ROBO1: variants seen among roughly 807,000 people sequenced by gnomAD.
ROBO1 encodes roundabout homolog 1.
In ROBO1, 149 loss-of-function variants were observed where a neutral mutation model predicts 195.9. That is an observed-to-expected ratio of 0.76 (90% CI 0.67 to 0.87). The LOEUF is 0.87. Among genes scored for constraint, ROBO1 ranks in the 40% least tolerant of loss-of-function variants. The pLI, the probability that ROBO1 is intolerant of heterozygous loss-of-function variation, is 0.00. For missense variants in ROBO1, 1,933 were observed against 2,068.3 expected (o/e 0.93, Z 1.27); for synonymous variants, 816 against 733.2 (o/e 1.11, Z -1.82).
At chr3:79,569,020 A>G (rs550759410) in intron 2 of ROBO1, among the ~76,000 whole-genome samples, 2 of 152,206 alleles carry the variant, frequency 1.3e-5, no homozygotes, top group Non-Finnish European at 2.9e-5. Context: ...CAGCTGTTTT[A>G]GAAAAAAAAT....
chr3:78,897,295 C>T (rs1366215502), intron 4 of ROBO1, among the ~76,000 whole-genome samples: 3 of 152,118 alleles, frequency 2.0e-5, no homozygotes, highest in South Asian at 2.1e-4. Context: ...CAGTATTTTT[C>T]GAAGCACCAT....
chr3:79,701,853 A>T (rs1024631657), intron 1 of ROBO1, among the ~76,000 whole-genome samples: 5 of 151,802 alleles, frequency 3.3e-5, no homozygotes, highest in African/African-American at 1.2e-4. Context: ...TGGATATATT[A>T]TATCAAATAT....
At chr3:79,531,153 C>G (rs773570446) in intron 2 of ROBO1, among the ~76,000 whole-genome samples, 4 of 152,078 alleles carry the variant, frequency 2.6e-5, no homozygotes, top group Non-Finnish European at 5.9e-5. Context: ...TGTATCATGC[C>G]TCCATTTGAA....
At chr3:79,484,751 C>CTTTTTTTTTTTT (rs1559932529) in intron 2 of ROBO1, among the ~76,000 whole-genome samples, 1 of 20,654 alleles carries the variant, frequency 4.8e-5, no homozygotes, top group African/African-American at 2.5e-4. Flanking sequence ...TATCATTGCA[C>CTTTTTTTTTTTT]TATCTTTTTT....
intron 1 of ROBO1, among the ~76,000 whole-genome samples, chr3:79,668,324 C>G (rs1946530113): frequency 6.6e-6 from 1 of 150,896 alleles, no homozygotes. Flanking sequence ...AAACACCATC[C>G]TTTTAAAACA....
chr3:79,462,676 C>A (rs1389373537), intron 2 of ROBO1, among the ~76,000 whole-genome samples: 9 of 152,158 alleles, frequency 5.9e-5, no homozygotes, highest in Non-Finnish European at 1.0e-4. Flanking sequence ...TCCTTCAGTG[C>A]ACCATTAGGG....
intron 2 of ROBO1, among the ~76,000 whole-genome samples, chr3:79,337,289 A>C (rs2034716982): frequency 6.6e-6 from 1 of 152,194 alleles, no homozygotes; most frequent in Non-Finnish European, 1.5e-5. Context: ...CTGTGTTCCC[A>C]CCCACAATCT....
intron 10 of ROBO1, among the ~76,000 whole-genome samples, chr3:78,678,660 A>C (rs1050601532): frequency 5.3e-5 from 8 of 152,112 alleles, no homozygotes; most frequent in East Asian, 1.9e-4. Flanking sequence ...CAATAACAGG[A>C]TCTGAAATTG....
At chr3:78,743,306 AT>A in intron 5 of ROBO1, among the ~76,000 whole-genome samples, 1 of 152,152 alleles carries the variant, frequency 6.6e-6, no homozygotes, top group African/African-American at 2.4e-5. Flanking sequence ...AAGTTGTTAA[AT>A]CCAGTGGTGA....
chr3:79,292,454 C>T (rs1168307488), intron 2 of ROBO1, among the ~76,000 whole-genome samples: 1 of 152,094 alleles, frequency 6.6e-6, no homozygotes, highest in Non-Finnish European at 1.5e-5. Flanking sequence ...TGTCTTGTGC[C>T]AGTTTTCAAA....
chr3:78,735,892 T>C (rs1226455117), intron 5 of ROBO1, among the ~76,000 whole-genome samples: 2 of 152,128 alleles, frequency 1.3e-5, no homozygotes, highest in African/African-American at 4.8e-5. Flanking sequence ...CACTAATCCA[T>C]TATGTGACTC....
At chr3:79,192,500 A>G (rs1320015686) in intron 2 of ROBO1, among the ~76,000 whole-genome samples, 1 of 151,704 alleles carries the variant, frequency 6.6e-6, no homozygotes, top group East Asian at 1.9e-4. Flanking sequence ...CTCTAAGGAA[A>G]TGAGGTATGA....
intron 4 of ROBO1, among the ~76,000 whole-genome samples, chr3:78,832,300 T>G (rs965669110): frequency 4.6e-5 from 7 of 152,192 alleles, no homozygotes; most frequent in African/African-American, 1.7e-4. Context: ...CTTTCTAAAC[T>G]CAAAATATTT....
At chr3:79,220,082 G>T (rs1051838921) in intron 2 of ROBO1, among the ~76,000 whole-genome samples, 2 of 151,978 alleles carry the variant, frequency 1.3e-5, no homozygotes, top group African/African-American at 4.8e-5. Flanking sequence ...TTTCACATAG[G>T]TGTGTGATGA....
At chr3:79,280,119 T>C (rs968582218) in intron 2 of ROBO1, among the ~76,000 whole-genome samples, 17 of 152,178 alleles carry the variant, frequency 1.1e-4, no homozygotes, top group Admixed American at 5.9e-4. Context: ...TAGGGATAGG[T>C]AGAGATTTGT....
intron 3 of ROBO1, among the ~76,000 whole-genome samples, chr3:79,003,600 C>CA (rs201490368): frequency 0.035 from 5,219 of 151,192 alleles, 108 homozygotes; most frequent in Middle Eastern, 0.068. Context: ...AGGAAAGCAG[C>CA]AAAAAAAAGA....
intron 1 of ROBO1, among the ~76,000 whole-genome samples, chr3:79,707,601 T>C (rs1947813593): frequency 6.6e-6 from 1 of 152,136 alleles, no homozygotes; most frequent in Non-Finnish European, 1.5e-5. Flanking sequence ...CTCCACCTCC[T>C]GGGTTCAAGT....
intron 2 of ROBO1, among the ~76,000 whole-genome samples, chr3:79,429,415 A>G (rs2038584589): frequency 6.6e-6 from 1 of 152,140 alleles, no homozygotes; most frequent in Admixed American, 6.6e-5. Flanking sequence ...AGTTTTGCTC[A>G]AAGTCTGACC....
intron 4 of ROBO1, among the ~76,000 whole-genome samples, chr3:78,905,749 A>AT (rs1453291818): frequency 7.2e-5 from 11 of 152,190 alleles, no homozygotes; most frequent in African/African-American, 2.7e-4. Flanking sequence ...ACAAGGTGCT[A>AT]TATTTCATAC....
Sources: allele counts gnomAD v4.1 joint callset (sites outside exome capture counted in the v4.1 genomes callset), GRCh38; gene constraint gnomAD v4.1.1; transcripts MANE v1.5; gene names NCBI Gene and HGNC (gene_info 2026-07-23, HGNC 2026-07-21).